NIPBL: variants seen among roughly 807,000 people sequenced by gnomAD.
NIPBL encodes the protein nipped-B-like protein.
Under a neutral mutation model 321.8 loss-of-function variants are expected in NIPBL, and 19 were observed. That is an observed-to-expected ratio of 0.06 (90% confidence interval 0.04 to 0.09). The LOEUF (loss-of-function observed/expected upper bound fraction) is 0.09, where lower values mean the gene tolerates loss of function less well. Ranked by LOEUF, NIPBL falls within the 10% of genes least tolerant of loss-of-function variation. The probability of loss-of-function intolerance (pLI) is 1.00; values close to 1 mark genes in which losing one functional copy is unlikely to be tolerated. For synonymous variants in NIPBL, 1,106 were observed against 1,114.1 expected, an observed-to-expected ratio of 0.99 and a Z score of 0.14; for missense variants, 2,210 against 3,327.0, an observed-to-expected ratio of 0.66 and a Z score of 8.26.
chr5:36,884,689 TTTG>T (rs1178728045), intron 1 of NIPBL, among the ~76,000 whole-genome samples: 1 of 152,158 alleles, frequency 6.6e-6, no homozygotes, highest in Non-Finnish European at 1.5e-5. Context: ...TCAATATATA[TTTG>T]TTGTTTAGTT....
chr5:36,958,329 T>C, intron 4 of NIPBL, 98 bp downstream of exon 4: 1 of 1,167,348 alleles, frequency 8.6e-7, no homozygotes, highest in East Asian at 2.5e-5. Flanking sequence ...AGGAATGCGA[T>C]GTTTATGCCT....
chr5:36,957,460 T>A (rs1163702952), intron 3 of NIPBL, among the ~76,000 whole-genome samples: 1 of 152,240 alleles, frequency 6.6e-6, no homozygotes, highest in East Asian at 1.9e-4. Context: ...TGTGTAACTT[T>A]CACTTGTCTA....
rs75728277 is a variant in NIPBL, at chr5:37,027,474, G to GT, written c.5862+75dup. The GT allele has an allele frequency of 0.15, 126,164 of 823,672 alleles. 95 individuals are homozygous for GT. The highest frequency in any genetic ancestry group is 0.19 in the South Asian group (10,272 of 53,456). 51.0% of individuals were successfully genotyped at this position (823,672 alleles called of 1,614,324 possible). A position where few individuals can be genotyped will look rare whatever the true frequency, so the allele number is the denominator to read the frequency against. On this transcript the variant is annotated intron_variant, in intron 32 of 46. Coordinates refer to ENST00000282516, the MANE Select transcript of NIPBL (RefSeq NM_133433.4). ...AATAGGTTAGTTTTTTGTTGTTGGTGTTTTTTTTTTTTTGGACTGTATGAT... is the reference window on the plus strand; with the variant it reads ...AATAGGTTAGTTTTTTGTTGTTGGTGTTTTTTTTTTTTTTGGACTGTATGAT...
chr5:37,060,833 T>A lies in NIPBL; in HGVS notation c.7686-11T>A, dbSNP rs748773946. ...AGTTTTAAAGTTTTTGGTTTTGTTT[T>A]CCCAAAACAGTAAAATTCAGAAGTA... On this transcript the variant is annotated splice_polypyrimidine_tract_variant and intron_variant, in intron 44 of 46. Coordinates refer to ENST00000282516, the MANE Select transcript of NIPBL (RefSeq NM_133433.4). 6.2e-7 allele frequency: 1 copy of A among 1,611,314 alleles called. No individual in the cohort carries two copies. Among genetic ancestry groups the A allele is most frequent in the Non-Finnish European group, 8.5e-7 (1 of 1,178,818 alleles).
chr5:37,035,542 G>A (rs1751597052), intron 32 of NIPBL, among the ~76,000 whole-genome samples: 1 of 152,092 alleles, frequency 6.6e-6, no homozygotes, highest in Admixed American at 6.5e-5. Flanking sequence ...TTTTTTAAAT[G>A]TTAACTTAAT....
chr5:36,995,450 T>A, intron 10 of NIPBL, 172 bp from the exon 11 acceptor site: 1 of 580,736 alleles, frequency 1.7e-6, no homozygotes, highest in Non-Finnish European at 3.0e-6. Flanking sequence ...CACATACATA[T>A]ATATTAACTA....
At chr5:37,020,700 C>T (rs1213251148) in intron 26 of NIPBL, 27 bp downstream of exon 26, 19 of 1,602,014 alleles carry the variant, frequency 1.2e-5, no homozygotes, top group Admixed American at 1.7e-5. Context: ...AAACAGTTTA[C>T]ATTTATCTCC....
chr5:36,915,568 A>G (rs919838540), intron 1 of NIPBL, among the ~76,000 whole-genome samples: 1 of 152,198 alleles, frequency 6.6e-6, no homozygotes, highest in South Asian at 2.1e-4. Context: ...ACTCTTATGA[A>G]CAAACGCCAA....
chr5:36,967,941 C>T (rs1742388991), intron 6 of NIPBL, among the ~76,000 whole-genome samples: 1 of 151,428 alleles, frequency 6.6e-6, no homozygotes, highest in South Asian at 2.1e-4. Flanking sequence ...TCTCTCTCCA[C>T]AAAAAATTAG....
intron 1 of NIPBL, among the ~76,000 whole-genome samples, chr5:36,900,381 A>G (rs1375651876): frequency 6.6e-6 from 1 of 152,170 alleles, no homozygotes; most frequent in Non-Finnish European, 1.5e-5. Context: ...CATGAATTTC[A>G]TATCTACAGG....
intron 1 of NIPBL, among the ~76,000 whole-genome samples, chr5:36,901,597 C>T (rs1337265253): frequency 1.4e-5 from 2 of 145,456 alleles, no homozygotes; most frequent in African/African-American, 2.6e-5. Flanking sequence ...GCAACCTCTA[C>T]CTCCCAGGTT....
rs1279698917 is a variant in NIPBL at position 37,020,437 on chromosome 5, AGTCT to A, written c.5011-17_5011-14del. 1.3e-6 allele frequency: 2 copies of A among 1,514,926 alleles called. No homozygotes were observed. Among genetic ancestry groups the A allele is most frequent in the Non-Finnish European group, 1.8e-6 (2 of 1,090,554 alleles). The allele number at this position is 1,514,926 out of a possible 1,614,324, so 93.8% of individuals were successfully genotyped here. A position where few individuals can be genotyped will look rare whatever the true frequency, so the allele number is the denominator to read the frequency against. ...CTTGTTGCTAATTTCATCAAGCTCA[AGTCT>A]GTCTAATTTCTTTCCAGTTTTCTCG... On this transcript the variant is annotated intron_variant, in intron 25 of 46. Transcript: ENST00000282516.
intron 8 of NIPBL, among the ~76,000 whole-genome samples, chr5:36,974,084 T>C (rs561522981): frequency 6.6e-6 from 1 of 152,320 alleles, no homozygotes; most frequent in South Asian, 2.1e-4. Context: ...GTTAGATACA[T>C]ATCCCACAAG....
chr5:37,048,791 TAGC>T (rs1277458184), intron 39 of NIPBL, 116 bp downstream of exon 39: 2 of 868,452 alleles, frequency 2.3e-6, no homozygotes, highest in Admixed American at 4.6e-5. Flanking sequence ...TTCAGTTAAA[TAGC>T]AGTCCTTATG....
intron 29 of NIPBL, among the ~76,000 whole-genome samples, chr5:37,022,843 A>G (rs1417563900): frequency 1.3e-5 from 2 of 152,206 alleles, no homozygotes; most frequent in Middle Eastern, 3.2e-3. Flanking sequence ...AAAGCTGATT[A>G]ATGATAGCTC....
At chr5:37,016,483 A>C (rs906891436) in intron 23 of NIPBL, among the ~76,000 whole-genome samples, 1 of 152,096 alleles carries the variant, frequency 6.6e-6, no homozygotes, top group African/African-American at 2.4e-5. Context: ...AAGCAAGAAA[A>C]TGATTAATAT....
chr5:36,942,199 G>T (rs1739161015), intron 1 of NIPBL, among the ~76,000 whole-genome samples: 1 of 150,692 alleles, frequency 6.6e-6, no homozygotes, highest in African/African-American at 2.4e-5. Flanking sequence ...TTGGGAGGCG[G>T]AGTGGGGCGG....
At chr5:37,038,036 C>T (rs1181225201) in intron 33 of NIPBL, among the ~76,000 whole-genome samples, 1 of 137,122 alleles carries the variant, frequency 7.3e-6, no homozygotes, top group African/African-American at 2.8e-5. Flanking sequence ...GTCACCCAGG[C>T]TGGGGTGTAG....
chr5:36,969,336 AAAT>A lies in NIPBL; in HGVS notation c.611-1534_611-1532del, dbSNP rs574021496. The stretch of plus-strand genomic sequence containing the variant: ...TATAGAAGTTGTTCAAGAATAGACA[AAAT>A]AATAAGGAATGAAGTGTAGCAGCTC... On this transcript the variant is annotated intron_variant, in intron 6 of 46. Coordinates refer to ENST00000282516, the MANE Select transcript of NIPBL (RefSeq NM_133433.4). Among the ~76,000 whole-genome samples, 7 of 152,300 alleles carry A rather than the reference AAAT, an allele frequency of 4.6e-5. No homozygotes were observed. The East Asian group carries it at 1.4e-3, about 29-fold the overall frequency.
Sources: allele counts gnomAD v4.1 joint callset (sites outside exome capture counted in the v4.1 genomes callset), GRCh38; gene constraint gnomAD v4.1.1; transcripts MANE v1.5; gene names NCBI Gene and HGNC (gene_info 2026-07-23, HGNC 2026-07-21).